FCER1A: variants seen among roughly 807,000 people sequenced by gnomAD.
FCER1A encodes Fc epsilon receptor Ia.
Under a neutral mutation model 23.6 loss-of-function variants are expected in FCER1A, and 24 were observed. The ratio of observed to expected loss-of-function variants is 1.02; its 90% CI spans 0.74 to 1.43. FCER1A has a LOEUF of 1.43. Ranked by LOEUF, FCER1A falls within the 40% of genes most tolerant of loss-of-function variation. The pLI, the probability that FCER1A is intolerant of heterozygous loss-of-function variation, is 0.00. For synonymous variants in FCER1A, 121 were observed against 108.8 expected (o/e 1.11, Z -0.70); for missense variants, 318 against 294.5 (o/e 1.08, Z -0.58).
chr1:159,303,250 C>T (rs1416693549), intron 2 of FCER1A, among the ~76,000 whole-genome samples: 1 of 152,114 alleles, frequency 6.6e-6, no homozygotes, highest in Non-Finnish European at 1.5e-5. Context: ...TGGATTTCAA[C>T]GTAAGTTCCT....
chr1:159,289,069 C>G (rs543480217), upstream of FCER1A, among the ~76,000 whole-genome samples: 123 of 152,288 alleles, frequency 8.1e-4, no homozygotes, highest in African/African-American at 2.8e-3. Flanking sequence ...TCACTTCTAA[C>G]AAATATCCCA....
At chr1:159,294,862 A>G (rs896705090) in intron 1 of FCER1A, among the ~76,000 whole-genome samples, 1 of 152,314 alleles carries the variant, frequency 6.6e-6, no homozygotes, top group Admixed American at 6.5e-5. Flanking sequence ...AAAGTATATT[A>G]TAAAAAACAC....
At chr1:159,285,245 C>A (rs1206085318), upstream of FCER1A, among the ~76,000 whole-genome samples, 3 of 152,186 alleles carry the variant, frequency 2.0e-5, no homozygotes, top group South Asian at 2.1e-4. Flanking sequence ...CTAAACATTA[C>A]CAAATATTGC....
intron 1 of FCER1A, among the ~76,000 whole-genome samples, chr1:159,293,400 A>G (rs1023082896): frequency 4.0e-5 from 6 of 150,744 alleles, no homozygotes; most frequent in Admixed American, 2.0e-4. Context: ...TTTAAATTTT[A>G]TTATTATTAT....
At chr1:159,288,587 C>T (rs2102213064), upstream of FCER1A, among the ~76,000 whole-genome samples, 1 of 152,290 alleles carries the variant, frequency 6.6e-6, no homozygotes, top group East Asian at 1.9e-4. Flanking sequence ...CCTGGGTTAT[C>T]AACAGAGCTC....
intron 2 of FCER1A, 43 bp downstream of exon 2, chr1:159,302,917 G>A: frequency 6.3e-7 from 1 of 1,584,492 alleles, no homozygotes; most frequent in Non-Finnish European, 8.7e-7. Context: ...CAACATGTCT[G>A]GGCATTGCTT....
intron 3 of FCER1A, among the ~76,000 whole-genome samples, chr1:159,305,738 C>T (rs933296156): frequency 7.9e-5 from 12 of 152,100 alleles, no homozygotes; most frequent in Admixed American, 5.2e-4. Context: ...CATGTATGGA[C>T]TCATCAGGGA....
chr1:159,294,461 A>G (rs1159310171), intron 1 of FCER1A, among the ~76,000 whole-genome samples: 8 of 152,124 alleles, frequency 5.3e-5, no homozygotes. Flanking sequence ...TTTTCATCAA[A>G]TGGCCTTTCT....
upstream of FCER1A, among the ~76,000 whole-genome samples, chr1:159,286,357 AAGTCTC>A (rs1250042412): frequency 7.3e-5 from 11 of 151,198 alleles, no homozygotes; most frequent in South Asian, 6.3e-4. Flanking sequence ...TTTTGAGACA[AAGTCTC>A]TCTCTGTTGC....
upstream of FCER1A, among the ~76,000 whole-genome samples, chr1:159,287,697 ATATTATATATAAATATATAATG>A (rs1254986335): frequency 1.4e-5 from 2 of 148,130 alleles, no homozygotes; most frequent in African/African-American, 2.5e-5. Flanking sequence ...CATATATTGT[ATATTATATATAAATATATAATG>A]TATTATATAT....
At chr1:159,292,625 T>C (rs1407903944) in intron 1 of FCER1A, among the ~76,000 whole-genome samples, 1 of 152,148 alleles carries the variant, frequency 6.6e-6, no homozygotes, top group Non-Finnish European at 1.5e-5. Flanking sequence ...CCTATCTATA[T>C]ATAGATAGAT....
Position 159,302,413 on chromosome 1 carries a change from T to C in FCER1A, c.49T>C (p.Phe17Leu). The C allele has an allele frequency of 6.2e-7, 1 of 1,607,008 alleles. No homozygotes were observed. The highest frequency in any genetic ancestry group is 1.1e-5 in the South Asian group (1 of 90,940). ...SPTLLCVALL[F>L]FAPDGVLAVP... Reference sequence around the variant, plus strand: ...TACTCTACTGTGTGTAGCCTTACTGTTCTTCGGTAAGTAGAGATTCAATTA... The same window carrying C: ...TACTCTACTGTGTGTAGCCTTACTGCTCTTCGGTAAGTAGAGATTCAATTA... Residue 17 changes from phenylalanine (F) to leucine (L), a missense_variant, in exon 1 of 5, where the codon TTC becomes CTC. Phe to Leu is a conservative substitution (Grantham distance 22). Transcript: ENST00000693622.
upstream of FCER1A, among the ~76,000 whole-genome samples, chr1:159,301,675 A>G (rs961828457): frequency 6.6e-6 from 1 of 152,214 alleles, no homozygotes; most frequent in African/African-American, 2.4e-5. Context: ...ATCAGCAGGA[A>G]ATTAAACAAG....
chr1:159,291,304 A>G (rs1304243940), intron 1 of FCER1A, among the ~76,000 whole-genome samples: 3 of 152,146 alleles, frequency 2.0e-5, no homozygotes, highest in Non-Finnish European at 4.4e-5. Flanking sequence ...ATCAAGTCCT[A>G]GATTTACTGT....
intron 1 of FCER1A, 29 bp from the exon 2 acceptor site, chr1:159,302,825 A>C (rs529137742): frequency 1.9e-6 from 3 of 1,610,188 alleles, no homozygotes; most frequent in Non-Finnish European, 2.6e-6. Context: ...ACTGCTGGAC[A>C]CTAATGTATC....
intron 1 of FCER1A, among the ~76,000 whole-genome samples, chr1:159,294,034 A>G (rs968713563): frequency 2.6e-5 from 4 of 152,122 alleles, no homozygotes; most frequent in Non-Finnish European, 2.9e-5. Context: ...ATCTCACACC[A>G]GTTAGAATGG....
chr1:159,302,435 AT>A lies in FCER1A; in HGVS notation c.55+18del, dbSNP rs1652462029. The A allele has an allele frequency of 6.4e-7, 1 of 1,572,376 alleles. No homozygotes were observed. The highest frequency in any genetic ancestry group is 1.3e-5 in the African/African-American group (1 of 74,090). Reference sequence around the variant, plus strand: ...CTGTTCTTCGGTAAGTAGAGATTCAATTACCCCTCCCAGGGAGGCCCAAATG... The same window carrying A: ...CTGTTCTTCGGTAAGTAGAGATTCAATACCCCTCCCAGGGAGGCCCAAATG... On this transcript the variant is annotated intron_variant, in intron 1 of 4. Transcript: ENST00000693622.
rs187165513 is a variant in FCER1A at position 159,292,610 on chromosome 1, A to G, written c.-60+2857A>G. On this transcript the variant is annotated intron_variant, in intron 1 of 5. Coordinates refer to the FCER1A transcript ENST00000368115. Reference sequence around the variant, plus strand: ...CAAAAAACCTACAGATTACATGACGACATACCTATCTATATATAGATAGAT... The same window carrying G: ...CAAAAAACCTACAGATTACATGACGGCATACCTATCTATATATAGATAGAT... 1.3e-4 allele frequency among the ~76,000 whole-genome samples: 20 copies of G among 152,232 alleles called. No individual in the cohort carries two copies. The East Asian group carries it at 3.7e-3, about 28-fold the overall frequency.
the FCER1A span, among the ~76,000 whole-genome samples, chr1:159,283,625 C>A: frequency 7.8e-4 from 119 of 152,260 alleles, no homozygotes; most frequent in African/African-American, 2.7e-3. Flanking sequence ...ACCTTGTATT[C>A]AAGAGGCATT....
Sources: allele counts gnomAD v4.1 joint callset (sites outside exome capture counted in the v4.1 genomes callset), GRCh38; gene constraint gnomAD v4.1.1; transcripts MANE v1.5; gene names NCBI Gene and HGNC (gene_info 2026-07-23, HGNC 2026-07-21).